Variants in IPO5 observed in about 807,000 individuals in gnomAD.
The protein encoded by IPO5 is importin-5.
Under a neutral mutation model 143.3 loss-of-function variants are expected in IPO5, and 18 were observed. The ratio of observed to expected loss-of-function variants is 0.13; its 90% CI spans 0.09 to 0.19. The LOEUF (loss-of-function observed/expected upper bound fraction) is 0.19. Ranked by LOEUF, IPO5 falls within the 10% of genes least tolerant of loss-of-function variation. The pLI, the probability that IPO5 is intolerant of heterozygous loss-of-function variation, is 1.00. For synonymous variants in IPO5, 477 were observed against 465.7 expected, an observed-to-expected ratio of 1.02 and a Z score of -0.31; for missense variants, 1,013 against 1,336.9, an observed-to-expected ratio of 0.76 and a Z score of 3.78.
chr13:97,956,689 C>A (rs1199853759), intron 2 of IPO5, among the ~76,000 whole-genome samples: 1 of 152,154 alleles, frequency 6.6e-6, no homozygotes, highest in African/African-American at 2.4e-5. Flanking sequence ...TTTAAATAGT[C>A]CTCTTGTTAG....
intron 2 of IPO5, among the ~76,000 whole-genome samples, chr13:97,956,352 T>C (rs1884458502): frequency 6.6e-6 from 1 of 152,130 alleles, no homozygotes; most frequent in Non-Finnish European, 1.5e-5. Context: ...CAGTTATTAT[T>C]ATAACTTAAA....
Position 97,954,938 on chromosome 13 carries a change from A to G in IPO5, c.-113+740A>G, listed in dbSNP as rs113496443. Among the ~76,000 whole-genome samples the G allele has an allele frequency of 5.8e-3, 879 of 152,242 alleles. 9 individuals are homozygous for G. Among genetic ancestry groups the G allele is most frequent in the African/African-American group, 0.02 (824 of 41,532 alleles). On this transcript the variant is annotated intron_variant, in intron 2 of 28. Coordinates refer to ENST00000651721, the MANE Select transcript of IPO5 (RefSeq NM_002271.6). ...AATGCAATTATAAACCTCCAAATGAAAAATACCGGCCGGGCACAGTGGCTC... is the reference window on the plus strand; with the variant it reads ...AATGCAATTATAAACCTCCAAATGAGAAATACCGGCCGGGCACAGTGGCTC...
At chr13:97,977,649 C>G (rs923754876) in intron 4 of IPO5, among the ~76,000 whole-genome samples, 2 of 152,152 alleles carry the variant, frequency 1.3e-5, no homozygotes, top group Non-Finnish European at 2.9e-5. Context: ...GAGAGACTTT[C>G]AAGTGACAGT....
intron 16 of IPO5, among the ~76,000 whole-genome samples, chr13:98,003,722 G>A (rs747689346): frequency 2.6e-5 from 4 of 151,980 alleles, no homozygotes; most frequent in African/African-American, 4.8e-5. Context: ...GGTGGTGCAC[G>A]CCTGTAATTC....
At chr13:98,008,215 A>G (rs1424563526) in intron 18 of IPO5, 73 bp downstream of exon 18, 9 of 861,970 alleles carry the variant, frequency 1.0e-5, no homozygotes, top group Non-Finnish European at 1.7e-5. Flanking sequence ...TATATTTAAA[A>G]CAAAAGGAGT....
chr13:98,007,977 C>G (rs1212503671), intron 17 of IPO5, 82 bp from the exon 18 acceptor site: 3 of 764,644 alleles, frequency 3.9e-6, no homozygotes, highest in Non-Finnish European at 6.9e-6. Context: ...GCAATGTAGT[C>G]GATTTTTTGG....
intron 25 of IPO5, 62 bp downstream of exon 25, chr13:98,016,913 A>G: frequency 8.0e-7 from 1 of 1,253,460 alleles, no homozygotes; most frequent in East Asian, 2.8e-5. Context: ...TTTCACTGCA[A>G]CGTAAAATCT....
intron 4 of IPO5, chr13:97,982,292 A>AG: frequency 2.0e-6 from 1 of 498,122 alleles, no homozygotes; most frequent in Non-Finnish European, 3.5e-6. Context: ...CATTTGTTTA[A>AG]GAGATATATG....
Position 98,002,485 on chromosome 13 carries a change from A to G in IPO5, c.1127A>G (p.His376Arg), listed in dbSNP as rs1888892309. Residue 376 changes from histidine to arginine, a missense_variant, in exon 14 of 29, where the codon CAT becomes CGT. Physicochemically the swap from His to Arg is conservative, Grantham distance 29. Around this residue, in one of 2 missense-constraint regions of IPO5, gnomAD observed 685 missense variants for 994.9 expected, o/e 0.69. Coordinates refer to ENST00000651721, the MANE Select transcript of IPO5 (RefSeq NM_002271.6). The stretch of plus-strand genomic sequence containing the variant: ...TCGGTAGCTGACTGGAAATACCGGC[A>G]TGCAGGATTGATGGCCTTATCTGCC... ...MLQNPDWKYR[H>R]AGLMALSAIG... 5.6e-6 allele frequency: 9 copies of G among 1,614,148 alleles called. No individual in the cohort carries two copies. Among genetic ancestry groups the G allele is most frequent in the Non-Finnish European group, 7.6e-6 (9 of 1,179,996 alleles).
At chr13:97,997,492 A>G in intron 11 of IPO5, 39 bp from the exon 12 acceptor site, 1 of 1,154,006 alleles carries the variant, frequency 8.7e-7, no homozygotes, top group Non-Finnish European at 1.3e-6. Context: ...GATAAGATAA[A>G]GTCACAGTCT....
At chr13:97,990,639 C>A (rs921651503) in intron 9 of IPO5, 102 bp downstream of exon 9, 44 of 652,980 alleles carry the variant, frequency 6.7e-5, no homozygotes, top group Non-Finnish European at 5.6e-5. Context: ...TATGTTCTGG[C>A]GCTAGGCATA....
chr13:97,953,830 G>A (rs1884275147), intron 1 of IPO5, 114 bp downstream of exon 1: 1 of 437,798 alleles, frequency 2.3e-6, no homozygotes, highest in Admixed American at 2.5e-5. Flanking sequence ...AGATCCAGGA[G>A]GTCCCTTTAG....
chr13:98,002,372 T>C lies in IPO5; in HGVS notation c.1109-95T>C, dbSNP rs189022760. 67 of 1,269,792 alleles carry C rather than the reference T, an allele frequency of 5.3e-5. 1 individual carries two copies. The Admixed American group carries it at 1.5e-3, about 28-fold the overall frequency. The allele number at this position is 1,269,792 out of a possible 1,614,324, so 78.7% of individuals were successfully genotyped here. A position where few individuals can be genotyped will look rare whatever the true frequency, so the allele number is the denominator to read the frequency against. On this transcript the variant is annotated intron_variant, in intron 13 of 28. Coordinates refer to ENST00000651721, the MANE Select transcript of IPO5 (RefSeq NM_002271.6). ...ACCCTTTTCAAAAAAGTTTTGTTAC[T>C]CTTTTCCAAATAAGAACTTTTATAC...
At chr13:98,021,448 A>G (rs186829320) in intron 28 of IPO5, 9 of 352,682 alleles carry the variant, frequency 2.6e-5, no homozygotes, top group African/African-American at 4.2e-5. Flanking sequence ...TCATCTGCCA[A>G]AAAACTTTAT....
chr13:97,981,641 A>G (rs954045353), intron 4 of IPO5, among the ~76,000 whole-genome samples: 9 of 152,214 alleles, frequency 5.9e-5, no homozygotes, highest in Admixed American at 5.9e-4. Context: ...ATAAGAATGG[A>G]TTATCTATTT....
chr13:98,002,486 T>C lies in IPO5; in HGVS notation c.1128T>C (p.His376=), dbSNP rs1888892648. 2 of 1,614,150 alleles carry C rather than the reference T, an allele frequency of 1.2e-6. No homozygotes were observed. Among genetic ancestry groups the C allele is most frequent in the Middle Eastern group, 1.6e-4 (1 of 6,062 alleles). ...CGGTAGCTGACTGGAAATACCGGCA[T>C]GCAGGATTGATGGCCTTATCTGCCA... ...MLQNPDWKYR[H]AGLMALSAIG... The change falls in exon 14 of 29, where the codon CAT becomes CAC. Residue 376 remains histidine, a synonymous_variant. Transcript: ENST00000651721.
chr13:97,982,125 C>T lies in IPO5; in HGVS notation c.91-378C>T, dbSNP rs545910958. On this transcript the variant is annotated intron_variant, in intron 4 of 28. Transcript: ENST00000651721. The stretch of plus-strand genomic sequence containing the variant: ...ACATCATCCAGTCTAAAAATGTTAA[C>T]GAAACAGTTTCTCATGATGTAAGGT... 1.9e-3 allele frequency: 332 copies of T among 174,594 alleles called. 8 individuals are homozygous for T. The South Asian group carries it at 0.05, about 26-fold the overall frequency. The allele number at this position is 174,594 out of a possible 1,614,324, so 10.8% of individuals were successfully genotyped here.
At chr13:98,006,872 T>G (rs1889303473) in intron 17 of IPO5, among the ~76,000 whole-genome samples, 2 of 149,424 alleles carry the variant, frequency 1.3e-5, no homozygotes, top group Middle Eastern at 3.4e-3. Flanking sequence ...TGGTGTTTTT[T>G]TTTTTTTTTT....
chr13:98,009,837 C>G (rs761466532), intron 18 of IPO5, 44 bp from the exon 19 acceptor site: 1 of 1,425,654 alleles, frequency 7.0e-7, no homozygotes, highest in African/African-American at 1.4e-5. Flanking sequence ...ATCACGTTTA[C>G]CCATTGTTTT....
Sources: allele counts gnomAD v4.1 joint callset (sites outside exome capture counted in the v4.1 genomes callset), GRCh38; gene constraint gnomAD v4.1.1; regional missense constraint gnomAD v4.1.1; transcripts MANE v1.5; gene names NCBI Gene and HGNC (gene_info 2026-07-23, HGNC 2026-07-21).